HERC3: variants seen among roughly 807,000 people sequenced by gnomAD.
HERC3 encodes the protein probable E3 ubiquitin-protein ligase HERC3.
A neutral mutation model predicts 129.9 loss-of-function variants in HERC3; 58 were observed. The ratio of observed to expected loss-of-function variants is 0.45; its 90% confidence interval spans 0.36 to 0.56. The LOEUF is 0.56. Ranked by LOEUF, HERC3 falls within the 20% of genes least tolerant of loss-of-function variation. The pLI is 0.00. For missense variants in HERC3, 835 were observed against 1,244.2 expected, an observed-to-expected ratio of 0.67 and a Z score of 4.95; for synonymous variants, 430 against 451.0, an observed-to-expected ratio of 0.95 and a Z score of 0.59.
intron 3 of HERC3, among the ~76,000 whole-genome samples, chr4:88,635,496 G>A (rs894750513): frequency 2.0e-5 from 3 of 152,014 alleles, no homozygotes; most frequent in African/African-American, 7.2e-5. Flanking sequence ...AGAAATATGG[G>A]ACTATGTAAA....
the HERC3 span, among the ~76,000 whole-genome samples, chr4:88,585,594 A>C: frequency 5.3e-5 from 8 of 150,162 alleles, no homozygotes; most frequent in South Asian, 2.1e-4. Flanking sequence ...TGTACTAAAG[A>C]TGAAAATGAT....
chr4:88,543,906 T>A, the HERC3 span, among the ~76,000 whole-genome samples: 2 of 152,166 alleles, frequency 1.3e-5, no homozygotes, highest in Admixed American at 1.3e-4. Flanking sequence ...TTACACCTTA[T>A]ACAAAAATTA....
chr4:88,637,774 A>T (rs1341826670), intron 3 of HERC3, among the ~76,000 whole-genome samples: 1 of 152,244 alleles, frequency 6.6e-6, no homozygotes, highest in Non-Finnish European at 1.5e-5. Flanking sequence ...AGATAGAGAC[A>T]TGAAAAACCC....
chr4:88,579,232 A>AAAAAAAAATATATATATATATATATATAT, the HERC3 span, among the ~76,000 whole-genome samples: 18 of 104,018 alleles, frequency 1.7e-4, no homozygotes, highest in African/African-American at 9.2e-4. Flanking sequence ...AAAAAAAAAA[A>AAAAAAAAATATATATATATATATATATAT]ATATATATAT....
At chr4:88,565,267 G>C in the HERC3 span, among the ~76,000 whole-genome samples, 1 of 152,050 alleles carries the variant, frequency 6.6e-6, no homozygotes, top group Non-Finnish European at 1.5e-5. Context: ...TCTACAGTAG[G>C]ATTAAGTCCA....
intron 4 of HERC3, among the ~76,000 whole-genome samples, chr4:88,651,681 G>A (rs1003385110): frequency 1.1e-4 from 17 of 152,110 alleles, no homozygotes; most frequent in Non-Finnish European, 2.2e-4. Context: ...ATGGGGAATT[G>A]TTGAAGCAAT....
chr4:88,639,524 T>C (rs560131463), intron 3 of HERC3, among the ~76,000 whole-genome samples: 1 of 152,280 alleles, frequency 6.6e-6, no homozygotes, highest in East Asian at 1.9e-4. Context: ...TTGGGAAAAC[T>C]GGCTAGCATC....
intron 3 of HERC3, among the ~76,000 whole-genome samples, chr4:88,620,654 C>G (rs572537171): frequency 3.7e-4 from 56 of 152,248 alleles, no homozygotes; most frequent in Non-Finnish European, 6.2e-4. Flanking sequence ...CTCCCTTAAT[C>G]CCTCTCTCCA....
chr4:88,550,752 A>G, the HERC3 span, among the ~76,000 whole-genome samples: 6,710 of 149,548 alleles, frequency 0.045, 182 homozygotes, highest in Admixed American at 0.065. Flanking sequence ...TCAAGCTACC[A>G]ATGACTTTCT....
At chr4:88,545,417 C>CT in the HERC3 span, among the ~76,000 whole-genome samples, 28 of 139,152 alleles carry the variant, frequency 2.0e-4, no homozygotes, top group African/African-American at 7.7e-4. Flanking sequence ...GGAAATCTTT[C>CT]CTTTTGAGAA....
intron 21 of HERC3, among the ~76,000 whole-genome samples, chr4:88,682,370 G>A (rs1157413621): frequency 6.6e-6 from 1 of 151,526 alleles, no homozygotes; most frequent in Admixed American, 6.6e-5. Context: ...TGTGCACAAC[G>A]TGCAGGTTAG....
upstream of HERC3, among the ~76,000 whole-genome samples, chr4:88,590,476 G>A (rs1209290045): frequency 7.2e-5 from 11 of 151,976 alleles, no homozygotes; most frequent in Non-Finnish European, 1.6e-4. Flanking sequence ...GGAGACTTGC[G>A]TGAATCCGGG....
At chr4:88,573,324 A>G in the HERC3 span, among the ~76,000 whole-genome samples, 2 of 152,242 alleles carry the variant, frequency 1.3e-5, no homozygotes, top group Non-Finnish European at 2.9e-5. Flanking sequence ...GAATCCAGCC[A>G]CTATTCCAGT....
chr4:88,705,991 T>C (rs1319400860), intron 25 of HERC3, among the ~76,000 whole-genome samples: 1 of 152,154 alleles, frequency 6.6e-6, no homozygotes, highest in East Asian at 1.9e-4. Context: ...CAAGTGAGCT[T>C]GTAGGGCTGT....
intron 3 of HERC3, among the ~76,000 whole-genome samples, chr4:88,608,702 C>CA (rs1723945904): frequency 6.6e-6 from 1 of 152,190 alleles, no homozygotes; most frequent in Non-Finnish European, 1.5e-5. Flanking sequence ...TGTTAAAACT[C>CA]ACTTGTGTCT....
intron 9 of HERC3, among the ~76,000 whole-genome samples, chr4:88,657,759 G>A (rs1182504481): frequency 6.6e-6 from 1 of 152,168 alleles, no homozygotes; most frequent in Non-Finnish European, 1.5e-5. Flanking sequence ...GCTGTGCCTC[G>A]AAGGATGATT....
intron 3 of HERC3, among the ~76,000 whole-genome samples, chr4:88,633,545 T>C (rs1727009158): frequency 6.6e-6 from 1 of 152,118 alleles, no homozygotes; most frequent in Non-Finnish European, 1.5e-5. Flanking sequence ...CCAAGTAATA[T>C]AGTAGAAAAC....
At chr4:88,592,763 G>GGTTGGGGCGCGGCGCC (rs1441255639) in intron 1 of HERC3, among the ~76,000 whole-genome samples, 189 bp downstream of exon 1, 27 of 152,140 alleles carry the variant, frequency 1.8e-4, no homozygotes, top group Middle Eastern at 3.4e-3. Flanking sequence ...GGCGCGGGGA[G>GGTTGGGGCGCGGCGCC]GTTGGGGCGC....
the HERC3 span, among the ~76,000 whole-genome samples, chr4:88,541,731 A>G: frequency 1.3e-5 from 2 of 152,224 alleles, no homozygotes; most frequent in South Asian, 2.1e-4. Context: ...AAGAACAGAA[A>G]TCACAACAAA....
Sources: allele counts gnomAD v4.1 joint callset (sites outside exome capture counted in the v4.1 genomes callset), GRCh38; gene constraint gnomAD v4.1.1; transcripts MANE v1.5; gene names NCBI Gene and HGNC (gene_info 2026-07-23, HGNC 2026-07-21).